SREK1: variants seen among roughly 807,000 people sequenced by gnomAD.
SREK1 encodes splicing regulatory glutamine/lysine-rich protein 1.
Under a neutral mutation model 66.5 loss-of-function variants are expected in SREK1, and 13 were observed. That is an observed-to-expected ratio of 0.20 (90% confidence interval 0.13 to 0.31). SREK1 has a LOEUF of 0.31. SREK1 is among the 10% of genes least tolerant of loss of function. The pLI is 1.00. For synonymous variants in SREK1, 265 were observed against 263.5 expected, an observed-to-expected ratio of 1.01 and a Z score of -0.05; for missense variants, 607 against 769.6, an observed-to-expected ratio of 0.79 and a Z score of 2.50.
At chr5:66,172,507 T>C (rs768548484) in intron 9 of SREK1, among the ~76,000 whole-genome samples, 10 of 152,156 alleles carry the variant, frequency 6.6e-5, no homozygotes, top group East Asian at 1.9e-4. Flanking sequence ...GTGATTCTTG[T>C]ACCTCAGCCT....
At chr5:66,157,095 A>G in intron 2 of SREK1, 1 of 956,498 alleles carries the variant, frequency 1.0e-6, no homozygotes, top group Non-Finnish European at 1.2e-6. Flanking sequence ...AGGTAATTAG[A>G]ATAAGTATAT....
At chr5:66,158,812 T>C (rs1255639147) in intron 2 of SREK1, 24 of 1,289,978 alleles carry the variant, frequency 1.9e-5, no homozygotes, top group Non-Finnish European at 2.3e-5. Flanking sequence ...CTATTAGTGA[T>C]GCAGCCAACA....
intron 8 of SREK1, 56 bp downstream of exon 8, chr5:66,170,226 T>G: frequency 6.5e-7 from 1 of 1,546,526 alleles, no homozygotes; most frequent in African/African-American, 1.4e-5. Flanking sequence ...CTGTTAGTGC[T>G]AAGGGATAAT....
chr5:66,176,278 G>A (rs1169530054), intron 10 of SREK1, among the ~76,000 whole-genome samples: 3 of 152,072 alleles, frequency 2.0e-5, no homozygotes, highest in Admixed American at 2.0e-4. Context: ...CCCTTGGATT[G>A]GTTTGACTGG....
rs895169352 is a variant in SREK1, at chr5:66,175,037, A to G, written c.1576A>G (p.Arg526Gly). The change falls in exon 10 of 12, where the codon AGG (arginine) becomes GGG (glycine). Residue 526 changes from arginine to glycine, a missense_variant. Arg to Gly is a moderately radical substitution (Grantham distance 125). Coordinates refer to ENST00000334121, the MANE Select transcript of SREK1 (RefSeq NM_001077199.3). ...GAAATCTTCTAGATCTCCGTCCCCC[A>G]GGAGGTAGGTTGGGAGCTTGTGCTA... ...KRKSSRSPSPRSRNKKDKKRE... is the reference protein window; with the variant it reads ...KRKSSRSPSPGSRNKKDKKRE... 1 of 1,610,810 alleles carries G rather than the reference A, an allele frequency of 6.2e-7. No individual in the cohort carries two copies. Among genetic ancestry groups the G allele is most frequent in the African/African-American group, 1.3e-5 (1 of 74,850 alleles).
At chr5:66,178,129 A>G (rs912185031) in intron 11 of SREK1, among the ~76,000 whole-genome samples, 1 of 152,090 alleles carries the variant, frequency 6.6e-6, no homozygotes, top group African/African-American at 2.4e-5. Context: ...CTGGTAAAGT[A>G]TATTTGTATT....
In SREK1 at chr5:66,165,146, A is replaced by G. The variant is rs541704605; in HGVS notation, c.1001+249A>G. 8.3e-4 allele frequency: 258 copies of G among 310,384 alleles called. 2 individuals are homozygous for G. In the Middle Eastern group the frequency reaches 8.8e-3, roughly 11 times the overall value. 19.2% of individuals were successfully genotyped at this position (310,384 alleles called of 1,614,324 possible). A position where few individuals can be genotyped will look rare whatever the true frequency, so the allele number is the denominator to read the frequency against. ...AGAAGTTAGTTTTGTGTCTAAAGAT[A>G]CTCTATTCCAGATTTTTCTAAGAGT... On this transcript the variant is annotated intron_variant, in intron 7 of 11. Transcript: ENST00000334121.
At chr5:66,175,851 T>C (rs1222196920) in intron 10 of SREK1, among the ~76,000 whole-genome samples, 2 of 152,208 alleles carry the variant, frequency 1.3e-5, no homozygotes, top group Non-Finnish European at 2.9e-5. Flanking sequence ...GCTTATTGTT[T>C]AGTGATGTGA....
Position 66,164,783 on chromosome 5 carries a change from A to G in SREK1, c.887A>G (p.Glu296Gly). ...QSFISAAIEPESGKSNERKGG... is the reference protein window; with the variant it reads ...QSFISAAIEPGSGKSNERKGG... Reference sequence around the variant, plus strand: ...CTGCAAAGTGATTTTTTCCTCCCAGAGTCTGGAAAGAGCAATGAAAGAAAA... The same window carrying G: ...CTGCAAAGTGATTTTTTCCTCCCAGGGTCTGGAAAGAGCAATGAAAGAAAA... Residue 296 changes from glutamate (E) to glycine (G), a missense_variant and splice_region_variant, in exon 7 of 12, where the codon GAG becomes GGG. By Grantham distance (98) the Glu-to-Gly change is moderately conservative (BLOSUM62 -2). Around this residue, in one of 5 missense-constraint regions of SREK1, gnomAD observed 112 missense variants for 168.6 expected, o/e 0.66. Coordinates refer to ENST00000334121, the MANE Select transcript of SREK1 (RefSeq NM_001077199.3). The G allele has an allele frequency of 6.2e-7, 1 of 1,614,020 alleles. No individual in the cohort carries two copies. The highest frequency in any genetic ancestry group is 8.5e-7 in the Non-Finnish European group (1 of 1,179,892).
chr5:66,157,688 G>T (rs1580636755), intron 2 of SREK1: 1 of 961,192 alleles, frequency 1.0e-6, no homozygotes. Flanking sequence ...TAAGAAATCT[G>T]TTCTCCAGAA....
At chr5:66,144,799 C>G (rs1349168891) in intron 1 of SREK1, 1 of 1,192,430 alleles carries the variant, frequency 8.4e-7, no homozygotes, top group Non-Finnish European at 1.0e-6. Flanking sequence ...GACTTGTGTT[C>G]GCTGCTGGGT....
chr5:66,159,465 A>C (rs1193766368), intron 3 of SREK1, 131 bp downstream of exon 3: 3 of 707,562 alleles, frequency 4.2e-6, no homozygotes, highest in Non-Finnish European at 6.2e-6. Flanking sequence ...ATTCGAAATC[A>C]CTGCTTAAAC....
At chr5:66,160,950 T>C (rs1419113982) in intron 3 of SREK1, among the ~76,000 whole-genome samples, 1 of 152,216 alleles carries the variant, frequency 6.6e-6, no homozygotes, top group Non-Finnish European at 1.5e-5. Flanking sequence ...ATATTAAAAA[T>C]AATACGTTCC....
chr5:66,158,823 C>T (rs768623252), intron 2 of SREK1: 17 of 1,290,286 alleles, frequency 1.3e-5, no homozygotes, highest in South Asian at 1.1e-4. Context: ...GCAGCCAACA[C>T]GAACGGTTGT....
intron 1 of SREK1, among the ~76,000 whole-genome samples, chr5:66,148,050 A>AT (rs1743419037): frequency 1.3e-5 from 2 of 151,882 alleles, no homozygotes. Context: ...AAATTAGTGG[A>AT]TTTTAGCTAG....
chr5:66,180,809 T>C lies in SREK1; in HGVS notation c.*1941T>C, dbSNP rs746493235. 1 of 152,468 alleles carries C rather than the reference T, an allele frequency of 6.6e-6. No homozygotes were observed. The allele number at this position is 152,468 out of a possible 1,614,324, so 9.4% of individuals were successfully genotyped here. A position where few individuals can be genotyped will look rare whatever the true frequency, so the allele number is the denominator to read the frequency against. On this transcript the variant is annotated 3_prime_UTR_variant, in exon 12 of 12. Coordinates refer to ENST00000334121, the MANE Select transcript of SREK1 (RefSeq NM_001077199.3). ...CAACAGCTGTCTTATTTATGATATATAAGTAGAAATAGAGCAAATGTTGGA... is the reference window on the plus strand; with the variant it reads ...CAACAGCTGTCTTATTTATGATATACAAGTAGAAATAGAGCAAATGTTGGA...
In SREK1 at chr5:66,178,419, T is replaced by G. The variant is rs1305910099; in HGVS notation, c.1726-300T>G. ...AATCTATCCTGGCATCCTTGGAAATTATTTCACTCTTTCAATAGATCTGTC... is the reference window on the plus strand; with the variant it reads ...AATCTATCCTGGCATCCTTGGAAATGATTTCACTCTTTCAATAGATCTGTC... On this transcript the variant is annotated intron_variant, in intron 11 of 11. Coordinates refer to ENST00000334121, the MANE Select transcript of SREK1 (RefSeq NM_001077199.3). Among the ~76,000 whole-genome samples, 2 of 152,006 alleles carry G rather than the reference T, an allele frequency of 1.3e-5. 1 individual carries two copies. The highest frequency in any genetic ancestry group is 4.8e-5 in the African/African-American group (2 of 41,430).
chr5:66,155,242 T>A lies in SREK1; in HGVS notation c.295+1646T>A, dbSNP rs564420591. ...AGATGTACCTTTTTAGTGTTTTTAA[T>A]ATTACAACTTGGACAGTTTTACTGT... On this transcript the variant is annotated intron_variant, in intron 2 of 11. Transcript: ENST00000334121. 1.6e-3 allele frequency among the ~76,000 whole-genome samples: 249 copies of A among 152,346 alleles called. 1 individual carries two copies. The highest frequency in any genetic ancestry group is 2.8e-3 in the Non-Finnish European group (192 of 68,014).
chr5:66,167,552 C>G (rs1020682722), intron 7 of SREK1: 1 of 152,148 alleles, frequency 6.6e-6, no homozygotes, highest in Admixed American at 6.5e-5. Context: ...TAGATTAGAT[C>G]TGCTCTTGAC....
Sources: gnomAD v4.1 joint callset for allele counts (sites outside exome capture counted in the v4.1 genomes callset) on GRCh38, gnomAD v4.1.1 for gene constraint, gnomAD v4.1.1 regional missense constraint, MANE v1.5 for transcripts, NCBI Gene and HGNC (gene_info 2026-07-23, HGNC 2026-07-21) for gene names.